Variants in DENND4C observed in about 807,000 individuals in gnomAD.
DENND4C encodes the protein DENN domain-containing protein 4C.
A neutral mutation model predicts 203.0 loss-of-function variants in DENND4C; 108 were observed. That is an observed-to-expected ratio of 0.53 (90% CI 0.46 to 0.62). The LOEUF (loss-of-function observed/expected upper bound fraction) is 0.62. Ranked by LOEUF, DENND4C falls within the 20% of genes least tolerant of loss-of-function variation. The pLI, the probability that DENND4C is intolerant of heterozygous loss-of-function variation, is 0.00. For synonymous variants in DENND4C, 871 were observed against 792.4 expected, an observed-to-expected ratio of 1.10 and a Z score of -1.67; for missense variants, 2,481 against 2,301.2, an observed-to-expected ratio of 1.08 and a Z score of -1.60.
At chr9:19,236,966 C>A (rs556781933) in intron 1 of DENND4C, among the ~76,000 whole-genome samples, 1 of 152,220 alleles carries the variant, frequency 6.6e-6, no homozygotes, top group South Asian at 2.1e-4. Flanking sequence ...GAATTTCTTT[C>A]TTTTTCTTCC....
At chr9:19,266,074 A>C (rs1225035689) in intron 1 of DENND4C, among the ~76,000 whole-genome samples, 2 of 152,220 alleles carry the variant, frequency 1.3e-5, no homozygotes, top group Non-Finnish European at 2.9e-5. Context: ...TCCCACCAAC[A>C]GTGTAAAAGT....
chr9:19,349,472 A>T (rs968293151), intron 23 of DENND4C, among the ~76,000 whole-genome samples: 2 of 152,202 alleles, frequency 1.3e-5, no homozygotes, highest in African/African-American at 4.8e-5. Context: ...GACTTGGAAT[A>T]TGTGACACTG....
At chr9:19,254,384 A>T (rs933397567) in intron 1 of DENND4C, among the ~76,000 whole-genome samples, 2 of 152,254 alleles carry the variant, frequency 1.3e-5, no homozygotes, top group Admixed American at 1.3e-4. Context: ...GCATACACAC[A>T]CACAGCAGAA....
chr9:19,302,359 G>C (rs1409025640), intron 9 of DENND4C, among the ~76,000 whole-genome samples: 1 of 152,194 alleles, frequency 6.6e-6, no homozygotes, highest in Non-Finnish European at 1.5e-5. Context: ...GTTGCAAAAA[G>C]GCAAAGGTGA....
At chr9:19,292,785 AT>A (rs1836641774) in intron 5 of DENND4C, among the ~76,000 whole-genome samples, 2 of 152,140 alleles carry the variant, frequency 1.3e-5, no homozygotes, top group African/African-American at 4.8e-5. Context: ...ACCTCAGGTG[AT>A]CCACCTGCCT....
At chr9:19,319,325 TAC>T (rs1652582649) in intron 12 of DENND4C, among the ~76,000 whole-genome samples, 1 of 43,382 alleles carries the variant, frequency 2.3e-5, no homozygotes, top group Non-Finnish European at 6.1e-5. Context: ...CACATATATA[TAC>T]ATATATATAC....
chr9:19,366,469 T>G (rs984274099), intron 30 of DENND4C, among the ~76,000 whole-genome samples: 1 of 152,098 alleles, frequency 6.6e-6, no homozygotes, highest in Admixed American at 6.5e-5. Context: ...CCAGGCGTGG[T>G]GGCGGGTACC....
intron 16 of DENND4C, among the ~76,000 whole-genome samples, chr9:19,331,710 A>G (rs1046170953): frequency 6.6e-6 from 1 of 152,206 alleles, no homozygotes; most frequent in African/African-American, 2.4e-5. Flanking sequence ...AAAAAGATGA[A>G]TGATCTTTGC....
chr9:19,274,537 C>T (rs1021499804), intron 1 of DENND4C, among the ~76,000 whole-genome samples: 4 of 152,220 alleles, frequency 2.6e-5, no homozygotes, highest in Non-Finnish European at 5.9e-5. Context: ...TCAGGTGTTG[C>T]ACCCTCCTCG....
chr9:19,253,868 A>G (rs1827261556), intron 1 of DENND4C, among the ~76,000 whole-genome samples: 1 of 152,180 alleles, frequency 6.6e-6, no homozygotes, highest in South Asian at 2.1e-4. Context: ...TGGCTGAGCA[A>G]GGTGGCTCAT....
At chr9:19,335,646 T>G (rs767437890) in intron 18 of DENND4C, among the ~76,000 whole-genome samples, 7 of 152,210 alleles carry the variant, frequency 4.6e-5, no homozygotes, top group Admixed American at 2.6e-4. Flanking sequence ...CTTACCATAA[T>G]GTCCTCTGGG....
At chr9:19,265,048 C>G (rs907138225) in intron 1 of DENND4C, among the ~76,000 whole-genome samples, 1 of 152,158 alleles carries the variant, frequency 6.6e-6, no homozygotes, top group African/African-American at 2.4e-5. Context: ...CAAGGTCTCA[C>G]TCTGTCACCC....
At chr9:19,234,586 G>C (rs549836347) in intron 1 of DENND4C, among the ~76,000 whole-genome samples, 2 of 140,906 alleles carry the variant, frequency 1.4e-5, no homozygotes, top group African/African-American at 5.3e-5. Flanking sequence ...AGGCTAGAGT[G>C]CAGTGCATCT....
At chr9:19,357,829 A>G (rs1046135022) in intron 27 of DENND4C, 136 bp from the exon 28 acceptor site, 62 of 707,728 alleles carry the variant, frequency 8.8e-5, no homozygotes, top group Admixed American at 5.1e-4. Context: ...AGGAAATGCA[A>G]TTCTTACAAG....
chr9:19,260,832 C>T (rs1829173295), intron 1 of DENND4C, among the ~76,000 whole-genome samples: 1 of 152,094 alleles, frequency 6.6e-6, no homozygotes, highest in African/African-American at 2.4e-5. Flanking sequence ...TCCTATTTAC[C>T]TATTTTTGCT....
At chr9:19,336,027 A>G (rs768442626) in intron 18 of DENND4C, among the ~76,000 whole-genome samples, 72 of 151,924 alleles carry the variant, frequency 4.7e-4, no homozygotes, top group Non-Finnish European at 8.4e-4. Flanking sequence ...CTTAATCAAC[A>G]TCTTTTGTTT....
chr9:19,298,890 TG>T (rs1395448746), intron 7 of DENND4C, among the ~76,000 whole-genome samples: 1 of 152,170 alleles, frequency 6.6e-6, no homozygotes, highest in Non-Finnish European at 1.5e-5. Context: ...GCCAAGCAAC[TG>T]CCAAGTGCCT....
At chr9:19,272,918 C>CCAA (rs1832040310) in intron 1 of DENND4C, among the ~76,000 whole-genome samples, 1 of 149,738 alleles carries the variant, frequency 6.7e-6, no homozygotes, top group South Asian at 2.1e-4. Context: ...CAGGCACATG[C>CCAA]CACTACGCCT....
chr9:19,264,009 A>G (rs1173315407), intron 1 of DENND4C, among the ~76,000 whole-genome samples: 1 of 152,116 alleles, frequency 6.6e-6, no homozygotes, highest in African/African-American at 2.4e-5. Flanking sequence ...ACAGGTTCAT[A>G]CTGGCCTTAC....
Sources: allele counts gnomAD v4.1 joint callset (sites outside exome capture counted in the v4.1 genomes callset), GRCh38; gene constraint gnomAD v4.1.1; transcripts MANE v1.5; gene names NCBI Gene and HGNC (gene_info 2026-07-23, HGNC 2026-07-21).